KIF13B: variants seen among roughly 807,000 people sequenced by gnomAD.
The protein encoded by KIF13B is kinesin family member 13B.
In KIF13B, 127 loss-of-function variants were observed where a neutral mutation model predicts 222.0. The ratio of observed to expected loss-of-function variants is 0.57; its 90% CI spans 0.50 to 0.66. The LOEUF (loss-of-function observed/expected upper bound fraction) is 0.66, where lower values mean the gene tolerates loss of function less well. Ranked by LOEUF, KIF13B falls within the 30% of genes least tolerant of loss-of-function variation. The probability of loss-of-function intolerance (pLI) is 0.00; values close to 1 mark genes in which losing one functional copy is unlikely to be tolerated. For synonymous variants in KIF13B, 976 were observed against 919.0 expected (o/e 1.06, Z -1.12); for missense variants, 2,173 against 2,379.0 (o/e 0.91, Z 1.80).
chr8:29,103,385 A>C (rs576260822), intron 35 of KIF13B, among the ~76,000 whole-genome samples: 1 of 152,144 alleles, frequency 6.6e-6, no homozygotes, highest in Non-Finnish European at 1.5e-5. Context: ...TTCATCCTGC[A>C]CCTCAACTTC....
chr8:29,075,408 G>C, intron 37 of KIF13B, 65 bp from the exon 38 acceptor site: 1 of 1,429,066 alleles, frequency 7.0e-7, no homozygotes. Context: ...AAAGGTTTCC[G>C]CTGCACAGGC....
intron 35 of KIF13B, among the ~76,000 whole-genome samples, chr8:29,106,305 T>C (rs1158215955): frequency 6.6e-6 from 1 of 152,174 alleles, no homozygotes; most frequent in Non-Finnish European, 1.5e-5. Context: ...ACATGTATCA[T>C]AGTGTAGGCA....
chr8:29,250,858 C>T (rs1816251311), intron 1 of KIF13B, among the ~76,000 whole-genome samples: 1 of 152,188 alleles, frequency 6.6e-6, no homozygotes, highest in Non-Finnish European at 1.5e-5. Context: ...TCAAATGTTA[C>T]TAGTTGAATT....
chr8:29,080,203 T>C (rs1807739094), intron 37 of KIF13B, among the ~76,000 whole-genome samples: 1 of 151,476 alleles, frequency 6.6e-6, no homozygotes, highest in Admixed American at 6.6e-5. Context: ...CTGGGCGTGG[T>C]GGTGCACACC....
At chr8:29,168,076 T>C (rs1812081524) in intron 10 of KIF13B, among the ~76,000 whole-genome samples, 2 of 152,210 alleles carry the variant, frequency 1.3e-5, no homozygotes, top group South Asian at 4.1e-4. Context: ...AAGCACCTTG[T>C]AAAGTTTTTA....
chr8:29,107,727 G>T (rs1174590393), intron 35 of KIF13B, among the ~76,000 whole-genome samples: 2 of 151,712 alleles, frequency 1.3e-5, no homozygotes, highest in East Asian at 3.9e-4. Flanking sequence ...CGCCTGACTA[G>T]TTTTTTGTAT....
chr8:29,118,414 G>C (rs1378732655), intron 30 of KIF13B, among the ~76,000 whole-genome samples: 1 of 151,866 alleles, frequency 6.6e-6, no homozygotes, highest in African/African-American at 2.4e-5. Flanking sequence ...AGAATCACTT[G>C]AACCCGGGAG....
chr8:29,155,723 T>C lies in KIF13B; in HGVS notation c.1535+3A>G. 6.2e-7 allele frequency: 1 copy of C among 1,602,938 alleles called. No homozygotes were observed. On this transcript the variant is annotated splice_donor_region_variant and intron_variant, in intron 14 of 39. Coordinates refer to ENST00000524189, the MANE Select transcript of KIF13B (RefSeq NM_015254.4). ...GATATGAACACTAATTCAAGTATGT[T>C]ACCTGGTGTTCTTCTGAGGAGTCAG...
chr8:29,102,994 G>A (rs1278329591), intron 35 of KIF13B, among the ~76,000 whole-genome samples: 1 of 152,140 alleles, frequency 6.6e-6, no homozygotes, highest in East Asian at 1.9e-4. Flanking sequence ...CGTAATCCCA[G>A]CACTTTGGGA....
intron 37 of KIF13B, among the ~76,000 whole-genome samples, chr8:29,081,871 T>C (rs1039614936): frequency 2.6e-5 from 4 of 152,240 alleles, no homozygotes; most frequent in Non-Finnish European, 4.4e-5. Flanking sequence ...AAGTACTTCA[T>C]TGGAATTTTG....
In KIF13B at chr8:29,098,170, C is replaced by CAAAAAAAAAAAAAAAAAA. The variant is rs147089450; in HGVS notation, c.4324+945_4324+962dup. 2.6e-3 allele frequency among the ~76,000 whole-genome samples: 79 copies of CAAAAAAAAAAAAAAAAAA among 30,284 alleles called. 5 individuals carry two copies. The highest frequency in any genetic ancestry group is 3.4e-3 in the African/African-American group (21 of 6,094). 19.9% of individuals were successfully genotyped at this position (30,284 alleles called of 152,430 possible). Reference sequence around the variant, plus strand: ...TGGGCGACAGAGTCAGACTCCATCTCAAAAAAAAAAAAAAAAAAAAGTAAG... The same window carrying CAAAAAAAAAAAAAAAAAA: ...TGGGCGACAGAGTCAGACTCCATCTCAAAAAAAAAAAAAAAAAAAAAAAAAAAAAAAAAAAAAAGTAAG... On this transcript the variant is annotated intron_variant, in intron 36 of 39. Transcript: ENST00000524189.
chr8:29,237,630 G>A (rs141693752), intron 2 of KIF13B, among the ~76,000 whole-genome samples: 39 of 152,286 alleles, frequency 2.6e-4, no homozygotes, highest in African/African-American at 9.4e-4. Flanking sequence ...TATATTCAAT[G>A]ATAATGCTAA....
chr8:29,232,873 T>C (rs1815347386), intron 2 of KIF13B, among the ~76,000 whole-genome samples: 1 of 152,140 alleles, frequency 6.6e-6, no homozygotes, highest in Non-Finnish European at 1.5e-5. Context: ...TTGAAAGCTT[T>C]CAGCTGGGGG....
chr8:29,232,211 T>C (rs746614992), intron 2 of KIF13B, among the ~76,000 whole-genome samples: 1 of 151,934 alleles, frequency 6.6e-6, no homozygotes, highest in Non-Finnish European at 1.5e-5. Flanking sequence ...TAAGCCATGA[T>C]TGCACTACTA....
intron 1 of KIF13B, among the ~76,000 whole-genome samples, chr8:29,260,152 A>G (rs1816627715): frequency 6.6e-6 from 1 of 152,216 alleles, no homozygotes; most frequent in Non-Finnish European, 1.5e-5. Flanking sequence ...AAGGTTCCCA[A>G]ACCCACATAC....
intron 4 of KIF13B, chr8:29,189,208 T>C (rs1420871021): frequency 6.6e-6 from 1 of 152,004 alleles, no homozygotes; most frequent in East Asian, 1.9e-4. Flanking sequence ...TCACCCTACC[T>C]CACTTAGTCT....
chr8:29,202,107 A>G (rs1813718122), intron 2 of KIF13B, among the ~76,000 whole-genome samples: 2 of 152,214 alleles, frequency 1.3e-5, no homozygotes, highest in Non-Finnish European at 2.9e-5. Flanking sequence ...GAATAATAGC[A>G]TTCAGGAGGC....
In KIF13B at chr8:29,071,966, G is replaced by A; in HGVS notation, c.4872C>T (p.Pro1624=). The change falls in exon 39 of 40, where the codon CCC becomes CCT. Residue 1624 remains proline (P), a synonymous_variant. Transcript: ENST00000524189. The surrounding 1 kb of genome is among the most constrained non-coding windows in gnomAD (Gnocchi z 4.9). ...CCCGACCGGGGCTCACGAGCTGCTG[G>A]GGGCCAGGGGGCTCCTCGGCGGGGA... is the stretch of plus-strand genomic sequence containing the variant. ...TAVPAEEPPG[P]QQLVSPGRER... 1.5e-6 allele frequency: 2 copies of A among 1,324,718 alleles called. No individual in the cohort carries two copies. The highest frequency in any genetic ancestry group is 1.9e-6 in the Non-Finnish European group (2 of 1,041,676). 82.1% of individuals were successfully genotyped at this position (1,324,718 alleles called of 1,614,324 possible). A position where few individuals can be genotyped will look rare whatever the true frequency, so the allele number is the denominator to read the frequency against.
chr8:29,249,405 G>C (rs1032284084), intron 1 of KIF13B, among the ~76,000 whole-genome samples: 2 of 147,816 alleles, frequency 1.4e-5, no homozygotes, highest in Non-Finnish European at 3.0e-5. Flanking sequence ...ACTCCAGCCT[G>C]GGCGACAGAG....
Sources: allele counts gnomAD v4.1 joint callset (sites outside exome capture counted in the v4.1 genomes callset), GRCh38; gene constraint gnomAD v4.1.1; non-coding constraint Gnocchi (gnomAD v3.1); transcripts MANE v1.5; gene names NCBI Gene and HGNC (gene_info 2026-07-23, HGNC 2026-07-21).